TBXAS1: variants seen among roughly 807,000 people sequenced by gnomAD.
TBXAS1 encodes thromboxane-A synthase.
A neutral mutation model predicts 60.7 loss-of-function variants in TBXAS1; 48 were observed. The observed-to-expected ratio is 0.79, with a 90% CI of 0.63 to 1.01. The LOEUF (loss-of-function observed/expected upper bound fraction) is 1.01, where lower values mean the gene tolerates loss of function less well. TBXAS1 is among the 50% of genes least tolerant of loss of function. TBXAS1 has a pLI of 0.00. For synonymous variants in TBXAS1, 287 were observed against 269.7 expected (o/e 1.06, Z -0.63); for missense variants, 685 against 686.3 (o/e 1.00, Z 0.02).
intron 3 of TBXAS1, among the ~76,000 whole-genome samples, chr7:139,881,160 A>G (rs1252975697): frequency 1.3e-5 from 2 of 152,224 alleles, no homozygotes; most frequent in African/African-American, 4.8e-5. Flanking sequence ...CTCTTTGCAT[A>G]TTAAAGAAAG....
At chr7:139,781,097 A>G (rs1185878969) in intron 2 of TBXAS1, among the ~76,000 whole-genome samples, 1 of 152,262 alleles carries the variant, frequency 6.6e-6, no homozygotes, top group African/African-American at 2.4e-5. Flanking sequence ...AGATGGAGCC[A>G]TACAGACAGA....
intron 5 of TBXAS1, among the ~76,000 whole-genome samples, chr7:139,945,585 T>C (rs536567553): frequency 7.0e-4 from 107 of 152,358 alleles, no homozygotes; most frequent in African/African-American, 2.5e-3. Flanking sequence ...TGCTCATTCT[T>C]GATATAACAA....
At chr7:139,862,362 G>T (rs1229121145) in intron 1 of TBXAS1, among the ~76,000 whole-genome samples, 2 of 152,162 alleles carry the variant, frequency 1.3e-5, no homozygotes, top group African/African-American at 4.8e-5. Context: ...AAGGAGGAAT[G>T]TTCATCTCTA....
chr7:139,948,799 C>T (rs1040355693), intron 5 of TBXAS1, among the ~76,000 whole-genome samples: 1 of 152,078 alleles, frequency 6.6e-6, no homozygotes, highest in African/African-American at 2.4e-5. Context: ...ATTATGCAAG[C>T]CCATCAAAGA....
chr7:139,860,986 T>G (rs1050283951), intron 1 of TBXAS1, among the ~76,000 whole-genome samples: 1 of 152,018 alleles, frequency 6.6e-6, no homozygotes, highest in Non-Finnish European at 1.5e-5. Flanking sequence ...CCAGCCTGGT[T>G]AATATGGTGA....
At chr7:139,867,902 C>T (rs539604037) in intron 1 of TBXAS1, among the ~76,000 whole-genome samples, 1 of 152,054 alleles carries the variant, frequency 6.6e-6, no homozygotes, top group East Asian at 1.9e-4. Flanking sequence ...AATTTTCCAG[C>T]CTTTACAAAT....
chr7:139,943,265 G>A (rs1054994730), intron 5 of TBXAS1, among the ~76,000 whole-genome samples: 5 of 152,136 alleles, frequency 3.3e-5, no homozygotes, highest in African/African-American at 9.7e-5. Context: ...AAATACATTG[G>A]CCTTGCCTGA....
intron 9 of TBXAS1, among the ~76,000 whole-genome samples, chr7:139,985,452 G>A (rs374026096): frequency 1.6e-4 from 24 of 152,338 alleles, no homozygotes; most frequent in East Asian, 5.8e-4. Context: ...CAGGGTGGTC[G>A]TTAGTGCATC....
chr7:139,806,257 T>G (rs1376348323), intron 4 of TBXAS1, among the ~76,000 whole-genome samples: 1 of 147,364 alleles, frequency 6.8e-6, no homozygotes, highest in Non-Finnish European at 1.5e-5. Flanking sequence ...TTTATTTTAT[T>G]TTATTTTATT....
At chr7:139,888,911 A>G (rs1284204387) in intron 3 of TBXAS1, among the ~76,000 whole-genome samples, 1 of 146,758 alleles carries the variant, frequency 6.8e-6, no homozygotes, top group Non-Finnish European at 1.5e-5. Flanking sequence ...GAAGGGGTGC[A>G]GGGGGAGGAT....
At chr7:139,948,662 AG>A (rs1808947285) in intron 5 of TBXAS1, among the ~76,000 whole-genome samples, 1 of 152,238 alleles carries the variant, frequency 6.6e-6, no homozygotes, top group Non-Finnish European at 1.5e-5. Flanking sequence ...TGCATCTTTT[AG>A]TAAGATCTGA....
chr7:139,897,979 A>G (rs1196207154), intron 3 of TBXAS1, among the ~76,000 whole-genome samples: 2 of 151,940 alleles, frequency 1.3e-5, no homozygotes, highest in Non-Finnish European at 2.9e-5. Flanking sequence ...AGGGAAAGAC[A>G]CTCCATGAGC....
chr7:139,843,319 AC>A (rs928662289), intron 1 of TBXAS1, among the ~76,000 whole-genome samples: 19 of 131,970 alleles, frequency 1.4e-4, no homozygotes, highest in African/African-American at 4.7e-4. Flanking sequence ...TTACTACTTT[AC>A]TTTATTTATT....
At chr7:139,868,081 G>A (rs541167042) in intron 1 of TBXAS1, among the ~76,000 whole-genome samples, 2 of 152,174 alleles carry the variant, frequency 1.3e-5, no homozygotes, top group African/African-American at 4.8e-5. Flanking sequence ...TTCTGTTGTC[G>A]TTTTCCAACT....
At chr7:139,991,863 A>T (rs1812934087) in intron 9 of TBXAS1, among the ~76,000 whole-genome samples, 1 of 152,226 alleles carries the variant, frequency 6.6e-6, no homozygotes, top group African/African-American at 2.4e-5. Flanking sequence ...GCTCTCTAGC[A>T]GGTGGGGCAA....
intron 3 of TBXAS1, among the ~76,000 whole-genome samples, chr7:139,906,969 C>A (rs1407087877): frequency 6.6e-6 from 1 of 152,150 alleles, no homozygotes; most frequent in Non-Finnish European, 1.5e-5. Context: ...CTGTAGATAT[C>A]ATGTCATCTC....
chr7:139,818,069 T>C (rs1428914846), intron 4 of TBXAS1, among the ~76,000 whole-genome samples: 1 of 152,200 alleles, frequency 6.6e-6, no homozygotes, highest in Non-Finnish European at 1.5e-5. Context: ...CAGATATAAC[T>C]CTTCTTCTCA....
intron 1 of TBXAS1, among the ~76,000 whole-genome samples, chr7:139,844,150 C>A (rs1453602156): frequency 6.6e-6 from 1 of 152,086 alleles, no homozygotes; most frequent in African/African-American, 2.4e-5. Flanking sequence ...ACTTAGAATA[C>A]GTGGTACATG....
chr7:139,833,389 G>C (rs1170595518), intron 1 of TBXAS1, among the ~76,000 whole-genome samples: 3 of 151,670 alleles, frequency 2.0e-5, no homozygotes, highest in Non-Finnish European at 4.4e-5. Context: ...GCAGTTAAAA[G>C]AGACAAAGAG....
Sources: allele counts gnomAD v4.1 joint callset (sites outside exome capture counted in the v4.1 genomes callset), GRCh38; gene constraint gnomAD v4.1.1; transcripts MANE v1.5; gene names NCBI Gene and HGNC (gene_info 2026-07-23, HGNC 2026-07-21).